The following SLC35G1 variants were observed in gnomAD, a reference collection of about 807,000 sequenced individuals.
SLC35G1 encodes solute carrier family 35 member G1.
SLC35G1 carries 10 observed loss-of-function variants against 17.1 expected under a neutral mutation model. That is an observed-to-expected ratio of 0.59 (90% CI 0.36 to 0.99). The LOEUF (loss-of-function observed/expected upper bound fraction) is 0.99, where lower values mean the gene tolerates loss of function less well. SLC35G1 is among the 50% of genes least tolerant of loss of function. The probability of loss-of-function intolerance (pLI) is 0.01; values close to 1 mark genes in which losing one functional copy is unlikely to be tolerated. For missense variants in SLC35G1, 433 were observed against 468.4 expected (o/e 0.92, Z 0.70); for synonymous variants, 185 against 181.1 (o/e 1.02, Z -0.18).
intron 1 of SLC35G1, among the ~76,000 whole-genome samples, chr10:93,897,756 C>T (rs1410505609): frequency 6.6e-6 from 1 of 152,182 alleles, no homozygotes; most frequent in Non-Finnish European, 1.5e-5. Flanking sequence ...CTGGTTTCCT[C>T]GTTCAGATCG....
Position 93,901,702 on chromosome 10 carries a change from G to T in SLC35G1, c.*212G>T, listed in dbSNP as rs896929552. Reference sequence around the variant, plus strand: ...TTTGGTAGCTTTGGTTTTGGTTTTGGTTTTTTTTGTTGTTGTTGTTGGGGT... The same window carrying T: ...TTTGGTAGCTTTGGTTTTGGTTTTGTTTTTTTTTGTTGTTGTTGTTGGGGT... On this transcript the variant is annotated 3_prime_UTR_variant, in exon 3 of 3. Transcript: ENST00000427197. 1.4e-5 allele frequency: 6 copies of T among 435,288 alleles called. No homozygotes were observed. The highest frequency in any genetic ancestry group is 6.5e-5 in the African/African-American group (3 of 46,246). The allele number at this position is 435,288 out of a possible 1,614,324, so 27.0% of individuals were successfully genotyped here.
chr10:93,894,044 A>C lies in SLC35G1; in HGVS notation c.11A>C (p.Gln4Pro). MRP[Q>P]DSTGVAELQE... ...AGCGCGTGCCGCGAGATGCGGCCTCAGGACAGCACCGGGGTCGCGGAGCTC... is the reference window on the plus strand; with the variant it reads ...AGCGCGTGCCGCGAGATGCGGCCTCCGGACAGCACCGGGGTCGCGGAGCTC... Residue 4 changes from glutamine (Q) to proline (P), a missense_variant, in exon 1 of 3, where the codon CAG becomes CCG. Physicochemically the swap from Gln to Pro is moderately conservative, Grantham distance 76. Coordinates refer to ENST00000427197, the MANE Select transcript of SLC35G1 (RefSeq NM_001134658.3). 1 of 1,465,742 alleles carries C rather than the reference A, an allele frequency of 6.8e-7. No homozygotes were observed. Among genetic ancestry groups the C allele is most frequent in the Non-Finnish European group, 9.0e-7 (1 of 1,116,804 alleles). 90.8% of individuals were successfully genotyped at this position (1,465,742 alleles called of 1,614,324 possible).
chr10:93,894,156 C>A lies in SLC35G1; in HGVS notation c.123C>A (p.Asp41Glu), dbSNP rs1326455833. 30 of 1,481,270 alleles carry A rather than the reference C, an allele frequency of 2.0e-5. No individual in the cohort carries two copies. Among genetic ancestry groups the A allele is most frequent in the Non-Finnish European group, 2.6e-5 (29 of 1,123,396 alleles). The allele number at this position is 1,481,270 out of a possible 1,614,324, so 91.8% of individuals were successfully genotyped here. A position where few individuals can be genotyped will look rare whatever the true frequency, so the allele number is the denominator to read the frequency against. ...PAAAEAAGAP[D>E]RGRCWLCLSS... ...CCGCCGAGGCAGCTGGGGCGCCAGA[C>A]CGCGGTAGGTGCTGGCTCTGCCTTT... The change falls in exon 1 of 3, where the codon GAC (aspartate) becomes GAA (glutamate). Residue 41 changes from aspartate to glutamate, a missense_variant. Transcript: ENST00000427197.
chr10:93,902,766 A>C lies in SLC35G1; in HGVS notation c.*1276A>C, dbSNP rs2060401519. On this transcript the variant is annotated 3_prime_UTR_variant, in exon 3 of 3. Transcript: ENST00000427197. ...CAGCATGATGTTAAATGTCAGTGCC[A>C]TACCATGATGCAGCACCATGACACT... is the stretch of plus-strand genomic sequence containing the variant. 1 of 152,654 alleles carries C rather than the reference A, an allele frequency of 6.6e-6. No individual in the cohort carries two copies. The allele number at this position is 152,654 out of a possible 1,614,324, so 9.5% of individuals were successfully genotyped here. A position where few individuals can be genotyped will look rare whatever the true frequency, so the allele number is the denominator to read the frequency against.
At chr10:93,905,762 G>A (rs907366702), downstream of SLC35G1, among the ~76,000 whole-genome samples, 3 of 152,218 alleles carry the variant, frequency 2.0e-5, no homozygotes, top group South Asian at 6.2e-4. Flanking sequence ...GAAACCATGT[G>A]AGATTAATAC....
At chr10:93,904,558 G>T (rs917259432), downstream of SLC35G1, among the ~76,000 whole-genome samples, 4 of 152,072 alleles carry the variant, frequency 2.6e-5, no homozygotes, top group South Asian at 2.1e-4. Flanking sequence ...ACCCTCTAAG[G>T]CCTGTTAGCC....
chr10:93,896,098 CT>C (rs1235155263), intron 1 of SLC35G1, among the ~76,000 whole-genome samples: 2 of 152,032 alleles, frequency 1.3e-5, no homozygotes, highest in Admixed American at 1.3e-4. Context: ...TTACTCGATC[CT>C]TTCATCTAAG....
At chr10:93,908,317 T>C (rs552195164), downstream of SLC35G1, 15 of 152,326 alleles carry the variant, frequency 9.8e-5, no homozygotes, top group African/African-American at 3.1e-4. Flanking sequence ...TCAAAGAGGT[T>C]GAATGGGGTT....
intron 2 of SLC35G1, 87 bp from the exon 3 acceptor site, chr10:93,900,665 C>A: frequency 8.9e-7 from 1 of 1,126,552 alleles, no homozygotes; most frequent in Non-Finnish European, 1.2e-6. Flanking sequence ...ATATTTAGTA[C>A]TTTTAAAATA....
chr10:93,894,007 G>A lies in SLC35G1; in HGVS notation c.-27G>A, dbSNP rs971950217. The A allele has an allele frequency of 5.9e-6, 8 of 1,362,092 alleles. No homozygotes were observed. The highest frequency in any genetic ancestry group is 3.5e-5 in the South Asian group (2 of 57,258). The allele number at this position is 1,362,092 out of a possible 1,614,324, so 84.4% of individuals were successfully genotyped here. ...GCTGCTGCTGGCGCCAGACGGCACC[G>A]GCCGCTGGTAGAGCGCGTGCCGCGA... On this transcript the variant is annotated 5_prime_UTR_variant, in exon 1 of 3. Transcript: ENST00000427197.
rs1420695717 is a variant in SLC35G1, at chr10:93,901,300, CA to C, written c.912del (p.Ala305HisfsTer4). 5 of 1,613,894 alleles carry C rather than the reference CA, an allele frequency of 3.1e-6. No individual in the cohort carries two copies. The highest frequency in any genetic ancestry group is 4.2e-6 in the Non-Finnish European group (5 of 1,179,934). ...LFGLGGQIFI[T>X]KALQIEKAGP... ...GGTTTGGGGGGTCAGATATTTATCA[CA>C]AAAGCACTTCAAATAGAAAAAGCAG... On this transcript the variant is annotated frameshift_variant, in exon 3 of 3. Coordinates refer to ENST00000427197, the MANE Select transcript of SLC35G1 (RefSeq NM_001134658.3). LOFTEE classifies it high-confidence loss of function.
Position 93,903,630 on chromosome 10 carries a change from G to A in SLC35G1, c.*2140G>A, listed in dbSNP as rs2060410733. On this transcript the variant is annotated 3_prime_UTR_variant, in exon 3 of 3. Transcript: ENST00000427197. The stretch of plus-strand genomic sequence containing the variant: ...TTGAATGTCACACTATATAACTGAG[G>A]TTAGAGAAAATGTTTCTTCTAGCCC... 6.6e-6 allele frequency: 1 copy of A among 152,156 alleles called. No homozygotes were observed. The allele number at this position is 152,156 out of a possible 1,614,324, so 9.4% of individuals were successfully genotyped here.
chr10:93,894,041 C>T lies in SLC35G1; in HGVS notation c.8C>T (p.Pro3Leu). Residue 3 changes from proline (P) to leucine (L), a missense_variant, in exon 1 of 3, where the codon CCT becomes CTT. By Grantham distance (98) the Pro-to-Leu change is moderately conservative. Coordinates refer to ENST00000427197, the MANE Select transcript of SLC35G1 (RefSeq NM_001134658.3). ...TAGAGCGCGTGCCGCGAGATGCGGCCTCAGGACAGCACCGGGGTCGCGGAG... is the reference window on the plus strand; with the variant it reads ...TAGAGCGCGTGCCGCGAGATGCGGCTTCAGGACAGCACCGGGGTCGCGGAG... MR[P>L]QDSTGVAELQ... 1 of 1,465,628 alleles carries T rather than the reference C, an allele frequency of 6.8e-7. No homozygotes were observed. The highest frequency in any genetic ancestry group is 9.0e-7 in the Non-Finnish European group (1 of 1,116,822). The allele number at this position is 1,465,628 out of a possible 1,614,324, so 90.8% of individuals were successfully genotyped here. A position where few individuals can be genotyped will look rare whatever the true frequency, so the allele number is the denominator to read the frequency against.
At chr10:93,894,286 G>A in intron 1 of SLC35G1, 75 bp downstream of exon 1, 1 of 1,268,100 alleles carries the variant, frequency 7.9e-7, no homozygotes, top group Middle Eastern at 2.9e-4. Flanking sequence ...TGGGGTCCCC[G>A]CAACCCGGGC....
In SLC35G1 at chr10:93,894,048, C is replaced by T; in HGVS notation, c.15C>T (p.Asp5=). 6 of 1,477,342 alleles carry T rather than the reference C, an allele frequency of 4.1e-6. No homozygotes were observed. Among genetic ancestry groups the T allele is most frequent in the African/African-American group, 1.5e-5 (1 of 68,328 alleles). 91.5% of individuals were successfully genotyped at this position (1,477,342 alleles called of 1,614,324 possible). The change falls in exon 1 of 3, where the codon GAC becomes GAT. Residue 5 remains aspartate, a synonymous_variant. Coordinates refer to ENST00000427197, the MANE Select transcript of SLC35G1 (RefSeq NM_001134658.3). MRPQ[D]STGVAELQEP... ...CGTGCCGCGAGATGCGGCCTCAGGA[C>T]AGCACCGGGGTCGCGGAGCTCCAGG...
chr10:93,907,521 A>C (rs2060436446), downstream of SLC35G1: 1 of 152,218 alleles, frequency 6.6e-6, no homozygotes, highest in Non-Finnish European at 1.5e-5. Flanking sequence ...ATGTAATGCA[A>C]TTAAAAATAA....
chr10:93,895,843 G>T (rs1048190373), intron 1 of SLC35G1, among the ~76,000 whole-genome samples: 1 of 152,164 alleles, frequency 6.6e-6, no homozygotes, highest in African/African-American at 2.4e-5. Flanking sequence ...GTCTTACACT[G>T]AAGCAAGGAG....
downstream of SLC35G1, among the ~76,000 whole-genome samples, chr10:93,904,913 C>T (rs1236610463): frequency 6.6e-6 from 1 of 152,182 alleles, no homozygotes; most frequent in Non-Finnish European, 1.5e-5. Context: ...CACCAGGAAC[C>T]GTAGGAACAT....
Position 93,902,664 on chromosome 10 carries a change from A to C in SLC35G1, c.*1174A>C, listed in dbSNP as rs2060400508. On this transcript the variant is annotated 3_prime_UTR_variant, in exon 3 of 3. Coordinates refer to ENST00000427197, the MANE Select transcript of SLC35G1 (RefSeq NM_001134658.3). ...TGCTTTATGTTATACATTAAATGTA[A>C]AGACTTGTGAATCCATGTTTGATTG... 1 of 152,608 alleles carries C rather than the reference A, an allele frequency of 6.6e-6. No homozygotes were observed. The highest frequency in any genetic ancestry group is 2.1e-4 in the South Asian group (1 of 4,824). 9.5% of individuals were successfully genotyped at this position (152,608 alleles called of 1,614,324 possible).
Sources: allele counts gnomAD v4.1 joint callset (sites outside exome capture counted in the v4.1 genomes callset), GRCh38; gene constraint gnomAD v4.1.1; transcripts MANE v1.5; gene names NCBI Gene and HGNC (gene_info 2026-07-23, HGNC 2026-07-21).